Variants in FBXL7 observed in about 807,000 individuals in gnomAD.
FBXL7 encodes the protein F-box/LRR-repeat protein 7.
Under a neutral mutation model 38.3 loss-of-function variants are expected in FBXL7, and 12 were observed. The observed-to-expected ratio is 0.31, with a 90% CI of 0.20 to 0.51. The LOEUF is 0.51. FBXL7 is among the 20% of genes least tolerant of loss of function. The probability of loss-of-function intolerance (pLI) is 0.98; values close to 1 mark genes in which losing one functional copy is unlikely to be tolerated. For missense variants in FBXL7, 567 were observed against 676.4 expected (o/e 0.84, Z 1.79); for synonymous variants, 297 against 300.9 (o/e 0.99, Z 0.13).
rs112874759 is a variant in FBXL7, at chr5:15,736,589, C to G, written c.127+120517C>G. On this transcript the variant is annotated intron_variant, in intron 2 of 3. Transcript: ENST00000504595. ...TTCTAAGTGCAAAAGTATTAAAGCACTGGGCTTGTTGTTGCTACTTCATCT... is the reference window on the plus strand; with the variant it reads ...TTCTAAGTGCAAAAGTATTAAAGCAGTGGGCTTGTTGTTGCTACTTCATCT... Among the ~76,000 whole-genome samples the G allele has an allele frequency of 1.0e-3, 156 of 152,262 alleles. 1 individual carries two copies. Among genetic ancestry groups the G allele is most frequent in the African/African-American group, 3.7e-3 (153 of 41,554 alleles).
chr5:15,810,732 A>G (rs1050679969), intron 2 of FBXL7, among the ~76,000 whole-genome samples: 3 of 152,128 alleles, frequency 2.0e-5, no homozygotes, highest in East Asian at 1.9e-4. Flanking sequence ...TTCTTTTATA[A>G]TACTTACCAA....
At chr5:15,589,067 C>G (rs1456998216) in intron 1 of FBXL7, among the ~76,000 whole-genome samples, 2 of 152,110 alleles carry the variant, frequency 1.3e-5, no homozygotes, top group East Asian at 1.9e-4. Flanking sequence ...AGTATGCTAA[C>G]TGAGAAAGAA....
At chr5:15,846,934 GAA>G (rs566200438) in intron 2 of FBXL7, among the ~76,000 whole-genome samples, 5 of 151,690 alleles carry the variant, frequency 3.3e-5, no homozygotes, top group African/African-American at 4.8e-5. Flanking sequence ...AAAATTATAA[GAA>G]AAAAATGTTC....
chr5:15,778,808 A>G (rs1736922173), intron 2 of FBXL7, among the ~76,000 whole-genome samples: 1 of 152,144 alleles, frequency 6.6e-6, no homozygotes, highest in Admixed American at 6.6e-5. Flanking sequence ...GAAGCCAAAT[A>G]AAACCAAAGA....
At chr5:15,930,892 G>A (rs1186307994) in intron 3 of FBXL7, among the ~76,000 whole-genome samples, 1 of 152,184 alleles carries the variant, frequency 6.6e-6, no homozygotes, top group Non-Finnish European at 1.5e-5. Context: ...TTATGTTGAT[G>A]CAGAGAGGCC....
intron 2 of FBXL7, among the ~76,000 whole-genome samples, chr5:15,881,048 A>T (rs1740430663): frequency 6.6e-6 from 1 of 151,898 alleles, no homozygotes; most frequent in South Asian, 2.1e-4. Flanking sequence ...TATTTTACTT[A>T]TTTTATTTTG....
At chr5:15,927,492 C>A (rs1298424146) in intron 2 of FBXL7, among the ~76,000 whole-genome samples, 1 of 152,076 alleles carries the variant, frequency 6.6e-6, no homozygotes, top group Non-Finnish European at 1.5e-5. Context: ...CAGGTGCTGG[C>A]CGGGCACGCT....
intron 2 of FBXL7, among the ~76,000 whole-genome samples, chr5:15,618,714 A>T (rs529500167): frequency 1.3e-5 from 2 of 152,306 alleles, no homozygotes; most frequent in East Asian, 3.9e-4. Context: ...GAAACCACTG[A>T]GGAAGAAGCA....
intron 1 of FBXL7, among the ~76,000 whole-genome samples, chr5:15,558,107 C>A (rs1412861286): frequency 6.6e-6 from 1 of 151,982 alleles, no homozygotes; most frequent in Non-Finnish European, 1.5e-5. Context: ...GTAATGAATA[C>A]CACTGGATTC....
intron 2 of FBXL7, among the ~76,000 whole-genome samples, chr5:15,869,198 G>A (rs1739847106): frequency 6.6e-6 from 1 of 152,120 alleles, no homozygotes; most frequent in African/African-American, 2.4e-5. Flanking sequence ...GCCTAATCTT[G>A]GAAGTGATAT....
rs1003172126 is a variant in FBXL7 at position 15,516,986 on chromosome 5, C to T, written c.37+16273C>T. 2.0e-5 allele frequency among the ~76,000 whole-genome samples: 3 copies of T among 152,220 alleles called. No individual in the cohort carries two copies. The South Asian group carries it at 6.2e-4, about 32-fold the overall frequency. ...TTAGCAGCGTGAGAACGGACTAATA[C>T]ATAGATATTGGGTTTTTTATTTTTT... On this transcript the variant is annotated intron_variant, in intron 1 of 3. Coordinates refer to ENST00000504595, the MANE Select transcript of FBXL7 (RefSeq NM_012304.5).
Position 15,936,705 on chromosome 5 carries a change from G to A in FBXL7, c.995G>A (p.Ser332Asn), listed in dbSNP as rs773659782. The A allele has an allele frequency of 6.2e-6, 10 of 1,608,150 alleles. No individual in the cohort carries two copies. In the East Asian group the frequency reaches 2.0e-4, roughly 32 times the overall value. Residue 332 changes from serine (S) to asparagine (N), a missense_variant, in exon 4 of 4, where the codon AGC becomes AAC. Physicochemically the swap from Ser to Asn is conservative, Grantham distance 46. Transcript: ENST00000504595. The surrounding 1 kb of genome is among the most constrained non-coding windows in gnomAD (Gnocchi z 6.0). ...GCCTCCATCAAGGAGCTGAGCGTCA[G>A]CGACTGCCGCTTCGTCAGCGACTTC... is the stretch of plus-strand genomic sequence containing the variant. ...YCASIKELSVSDCRFVSDFGL... is the reference protein window; with the variant it reads ...YCASIKELSVNDCRFVSDFGL...
intron 2 of FBXL7, among the ~76,000 whole-genome samples, chr5:15,731,625 C>A (rs142348539): frequency 6.6e-6 from 1 of 152,122 alleles, no homozygotes; most frequent in Non-Finnish European, 1.5e-5. Context: ...GCAGAGGACA[C>A]GGATGACTTA....
intron 1 of FBXL7, among the ~76,000 whole-genome samples, chr5:15,533,054 G>C (rs1188610801): frequency 1.3e-5 from 2 of 152,170 alleles, no homozygotes; most frequent in Non-Finnish European, 2.9e-5. Flanking sequence ...TTGAGTTTGG[G>C]GTGACTGTGG....
At chr5:15,673,025 A>C (rs1340229275) in intron 2 of FBXL7, among the ~76,000 whole-genome samples, 1 of 152,014 alleles carries the variant, frequency 6.6e-6, no homozygotes, top group African/African-American at 2.4e-5. Context: ...GTTTCCTTGG[A>C]TCCTTAAAAC....
rs576445427 is a variant in FBXL7 at position 15,787,694 on chromosome 5, C to A, written c.128-140196C>A. 2.0e-5 allele frequency among the ~76,000 whole-genome samples: 3 copies of A among 152,066 alleles called. 1 individual carries two copies. The highest frequency in any genetic ancestry group is 4.8e-5 in the African/African-American group (2 of 41,404). ...AAAATTACATTTAAGAGATGGGTTC[C>A]TGAGGAATTACTGCAAGGAAAGAAA... is the stretch of plus-strand genomic sequence containing the variant. On this transcript the variant is annotated intron_variant, in intron 2 of 3. Transcript: ENST00000504595.
chr5:15,679,806 T>C (rs990120968), intron 2 of FBXL7, among the ~76,000 whole-genome samples: 7 of 152,156 alleles, frequency 4.6e-5, no homozygotes, highest in African/African-American at 1.7e-4. Context: ...CTAGTCCATA[T>C]AGAATAAGAG....
At chr5:15,528,062 A>T (rs1305164769) in intron 1 of FBXL7, among the ~76,000 whole-genome samples, 1 of 152,198 alleles carries the variant, frequency 6.6e-6, no homozygotes, top group Non-Finnish European at 1.5e-5. Flanking sequence ...ATGCATTTCC[A>T]GTTTCTACTT....
chr5:15,809,639 C>T (rs1737805701), intron 2 of FBXL7, among the ~76,000 whole-genome samples: 1 of 150,584 alleles, frequency 6.6e-6, no homozygotes, highest in South Asian at 2.1e-4. Context: ...CTAGAAAGCA[C>T]AAATCAATTT....
Sources: allele counts gnomAD v4.1 joint callset (sites outside exome capture counted in the v4.1 genomes callset), GRCh38; gene constraint gnomAD v4.1.1; non-coding constraint Gnocchi (gnomAD v3.1); transcripts MANE v1.5; gene names NCBI Gene and HGNC (gene_info 2026-07-23, HGNC 2026-07-21).